Variants in MUC4 observed in about 807,000 individuals in gnomAD.
MUC4 encodes the protein mucin 4, cell surface associated.
In MUC4, 202 loss-of-function variants were observed where a neutral mutation model predicts 257.9. That is an observed-to-expected ratio of 0.78 (90% CI 0.70 to 0.88). The LOEUF is 0.88. MUC4 is among the 40% of genes least tolerant of loss of function. The probability of loss-of-function intolerance (pLI) is 0.00; values close to 1 mark genes in which losing one functional copy is unlikely to be tolerated. For synonymous variants in MUC4, 2,351 were observed against 2,757.1 expected (o/e 0.85, Z 4.62); for missense variants, 5,976 against 6,513.7 (o/e 0.92, Z 2.84).
chr3:195,750,419 G>A (rs3107762), intron 23 of MUC4: 2 of 175,750 alleles, frequency 1.1e-5, no homozygotes, highest in Admixed American at 1.3e-4. Context: ...GGAAGGTGCT[G>A]GGGGGTGTTG....
In MUC4 at chr3:195,755,134, A is replaced by T. The variant is rs977971680; in HGVS notation, c.15169-762T>A. Among the ~76,000 whole-genome samples the T allele has an allele frequency of 6.6e-6, 1 of 151,698 alleles. No homozygotes were observed. Among genetic ancestry groups the T allele is most frequent in the African/African-American group, 2.4e-5 (1 of 41,258 alleles). ...CAGGTTCAAGCCATCCTCCCACCTC[A>T]GCCTCCCGAGGAGCTGGGGCTACAG... On this transcript the variant is annotated intron_variant, in intron 18 of 24. Coordinates refer to ENST00000463781, the MANE Select transcript of MUC4 (RefSeq NM_018406.7). This position sits in a 1 kb window ranked among gnomAD's most constrained non-coding sequence, Gnocchi z 5.0.
At position 195,755,687 on chromosome 3, in the gene MUC4, T is replaced by C. The variant is rs1717520482; in HGVS notation, c.15169-1315A>G. 1.3e-5 allele frequency among the ~76,000 whole-genome samples: 2 copies of C among 152,178 alleles called. No individual in the cohort carries two copies. The highest frequency in any genetic ancestry group is 2.4e-5 in the African/African-American group (1 of 41,434). On this transcript the variant is annotated intron_variant, in intron 18 of 24. Coordinates refer to ENST00000463781, the MANE Select transcript of MUC4 (RefSeq NM_018406.7). The surrounding 1 kb of genome is among the most constrained non-coding windows in gnomAD (Gnocchi z 5.0). ...TCCCTAAAATGGAATCCTCTAACAC[T>C]TGCTACTCCCAAGAGTGGATATTTG...
intron 2 of MUC4, 101 bp downstream of exon 2, chr3:195,778,689 A>T (rs1725621440): frequency 1.4e-6 from 2 of 1,385,176 alleles, no homozygotes; most frequent in South Asian, 1.4e-5. Context: ...ACACGGCCCC[A>T]CCAGGTAATG....
chr3:195,757,111 G>A lies in MUC4; in HGVS notation c.15168+36C>T, dbSNP rs749415350. ...TTCCACTCCCATTTCCTCTCCCCTC[G>A]GCACAGAAACTCCTCCCCCACCTCC... On this transcript the variant is annotated intron_variant, in intron 18 of 24. Coordinates refer to ENST00000463781, the MANE Select transcript of MUC4 (RefSeq NM_018406.7). This position sits in a 1 kb window ranked among gnomAD's most constrained non-coding sequence, Gnocchi z 4.8. The A allele has an allele frequency of 9.6e-6, 15 of 1,566,774 alleles. No homozygotes were observed. In the East Asian group the frequency reaches 1.8e-4, roughly 19 times the overall value.
In MUC4 at chr3:195,811,897, C is replaced by G. The variant is rs112400541; in HGVS notation, c.-80G>C. 5 of 1,416,600 alleles carry G rather than the reference C, an allele frequency of 3.5e-6. No individual in the cohort carries two copies. In the South Asian group the frequency reaches 3.7e-5, roughly 10 times the overall value. 87.8% of individuals were successfully genotyped at this position (1,416,600 alleles called of 1,614,324 possible). ...GCAGTGTGAGGAGCAGACGTGAGCCCGTCCCCTCAGGCGGCTGGCCCGAAC... is the reference window on the plus strand; with the variant it reads ...GCAGTGTGAGGAGCAGACGTGAGCCGGTCCCCTCAGGCGGCTGGCCCGAAC... On this transcript the variant is annotated 5_prime_UTR_variant, in exon 1 of 25. Coordinates refer to ENST00000463781, the MANE Select transcript of MUC4 (RefSeq NM_018406.7).
chr3:195,788,027 G>T lies in MUC4; in HGVS notation c.3553C>A (p.Leu1185Ile). The change falls in exon 2 of 25, where the codon CTT (leucine) becomes ATT (isoleucine). Residue 1185 changes from leucine (L) to isoleucine (I), a missense_variant. Around this residue, in one of 44 missense-constraint regions of MUC4, gnomAD observed 90 missense variants for 106.2 expected, o/e 0.85. Coordinates refer to ENST00000463781, the MANE Select transcript of MUC4 (RefSeq NM_018406.7). ...SSVSTGDTTP[L>I]PVTSPSSAST... is the part of the protein sequence containing the mutation. ...GCTGAGGAAGGGCTAGTGACAGGAAGAGGCGTGGTGTCACCTGTGGATACT... is the reference window on the plus strand; with the variant it reads ...GCTGAGGAAGGGCTAGTGACAGGAATAGGCGTGGTGTCACCTGTGGATACT... 6.9e-7 allele frequency: 1 copy of T among 1,450,032 alleles called. No homozygotes were observed. 89.8% of individuals were successfully genotyped at this position (1,450,032 alleles called of 1,614,324 possible).
chr3:195,786,690 G>C lies in MUC4; in HGVS notation c.4890C>G (p.Thr1630=). 3 of 1,539,202 alleles carry C rather than the reference G, an allele frequency of 1.9e-6. No homozygotes were observed. The highest frequency in any genetic ancestry group is 1.8e-6 in the Non-Finnish European group (2 of 1,139,358). ...AAGCATTGGTGACAGGAAGAGGGGT[G>C]GTGTCACCTGTGGATGCTGAGGAAG... The part of the protein sequence containing the change: ...TDTSSASTGD[T]TPLPVTNASS... The change falls in exon 2 of 25, where the codon ACC becomes ACG. Residue 1630 remains threonine (T), a synonymous_variant. Transcript: ENST00000463781.
chr3:195,759,107 C>T lies in MUC4; in HGVS notation c.14986+17G>A. The T allele has an allele frequency of 6.2e-7, 1 of 1,613,390 alleles. No individual in the cohort carries two copies. Among genetic ancestry groups the T allele is most frequent in the Non-Finnish European group, 8.5e-7 (1 of 1,179,704 alleles). On this transcript the variant is annotated intron_variant, in intron 17 of 24. Coordinates refer to ENST00000463781, the MANE Select transcript of MUC4 (RefSeq NM_018406.7). ...TACCCACCTCCCCACTCTCCCCAGC[C>T]AGCCAAATAGTCCTACCAAAGAGCT...
At chr3:195,794,672 C>T (rs1734351924) in intron 1 of MUC4, among the ~76,000 whole-genome samples, 1 of 152,002 alleles carries the variant, frequency 6.6e-6, no homozygotes. Flanking sequence ...TTTTTTTCAA[C>T]CTCAGTGCTC....
chr3:195,810,300 A>C lies in MUC4; in HGVS notation c.82+1436T>G, dbSNP rs1182673930. On this transcript the variant is annotated intron_variant, in intron 1 of 24. Transcript: ENST00000463781. The surrounding 1 kb of genome is among the most constrained non-coding windows in gnomAD (Gnocchi z 4.2). ...AGCTCCTCAAATATGCGCCCAAGAA[A>C]TATTTTCCCTCGGCGACTGTTCTTA... 1 of 152,186 alleles carries C rather than the reference A, an allele frequency of 6.6e-6. No homozygotes were observed. The highest frequency in any genetic ancestry group is 1.5e-5 in the Non-Finnish European group (1 of 68,062). The allele number at this position is 152,186 out of a possible 1,614,324, so 9.4% of individuals were successfully genotyped here. A position where few individuals can be genotyped will look rare whatever the true frequency, so the allele number is the denominator to read the frequency against.
Position 195,763,582 on chromosome 3 carries a change from C to A in MUC4, c.14104G>T (p.Gly4702Trp). The change falls in exon 12 of 25, where the codon GGG becomes TGG. Residue 4702 changes from glycine to tryptophan, a missense_variant. Around this residue, in one of 44 missense-constraint regions of MUC4, gnomAD observed 996 missense variants for 1,137.3 expected, o/e 0.88. Coordinates refer to ENST00000463781, the MANE Select transcript of MUC4 (RefSeq NM_018406.7). ...TLDGVSYTFN[G>W]LGDFLLVGAQ... Reference sequence around the variant, plus strand: ...CCGACCAGCAGGAAGTCCCCCAGCCCATTGAAGGTGTAACTGACACCATCC... The same window carrying A: ...CCGACCAGCAGGAAGTCCCCCAGCCAATTGAAGGTGTAACTGACACCATCC... 1.3e-6 allele frequency: 2 copies of A among 1,595,058 alleles called. No homozygotes were observed. The highest frequency in any genetic ancestry group is 2.3e-5 in the East Asian group (1 of 43,750).
chr3:195,781,667 C>A lies in MUC4; in HGVS notation c.9913G>T (p.Val3305Leu), dbSNP rs570344326. 4,104 of 1,082,978 alleles carry A rather than the reference C, an allele frequency of 3.8e-3. 760 individuals carry two copies. In the African/African-American group the frequency reaches 0.097, roughly 26 times the overall value. The allele number at this position is 1,082,978 out of a possible 1,614,324, so 67.1% of individuals were successfully genotyped here. Residue 3305 changes from valine (V) to leucine (L), a missense_variant, in exon 2 of 25, where the codon GTA becomes TTA. Around this residue, in one of 44 missense-constraint regions of MUC4, gnomAD observed 51 missense variants for 66.9 expected, o/e 0.76. Transcript: ENST00000463781. ...AGAGGAGTGGCGTGACCTGTGGATA[C>A]TGAGGAAGTCTCGGTGACAAGAAGA... ...TPLLVTETSS[V>L]STGHATPLLV...
chr3:195,786,264 A>G lies in MUC4; in HGVS notation c.5316T>C (p.Ala1772=). 1.4e-6 allele frequency: 2 copies of G among 1,479,584 alleles called. No individual in the cohort carries two copies. The highest frequency in any genetic ancestry group is 1.2e-5 in the South Asian group (1 of 80,728). The allele number at this position is 1,479,584 out of a possible 1,614,324, so 91.7% of individuals were successfully genotyped here. A position where few individuals can be genotyped will look rare whatever the true frequency, so the allele number is the denominator to read the frequency against. The part of the protein sequence containing the change: ...PVTDTSSVST[A]HATPLPVTGL... ...CGGTGACAGGAAGTGGGGTGGCGTG[A>G]GCTGTGGATACTGAGGAAGTGTCGG... Residue 1772 remains alanine (A), a synonymous_variant, in exon 2 of 25, where the codon GCT becomes GCC. Coordinates refer to ENST00000463781, the MANE Select transcript of MUC4 (RefSeq NM_018406.7).
chr3:195,753,863 T>G, intron 19 of MUC4: 2 of 271,566 alleles, frequency 7.4e-6, no homozygotes, highest in East Asian at 6.5e-5. Flanking sequence ...GCTTGCCCGG[T>G]TCTCTGGCGG....
chr3:195,788,680 G>A lies in MUC4; in HGVS notation c.2900C>T (p.Thr967Ile). Reference protein sequence around the residue: ...LSPSGSGKTFTTALISNATPL... With the variant: ...LSPSGSGKTFITALISNATPL... ...GGTGGCGTTGCTGATGAGGGCCGTGGTGAAGGTTTTACCAGACCCTGAAGG... is the reference window on the plus strand; with the variant it reads ...GGTGGCGTTGCTGATGAGGGCCGTGATGAAGGTTTTACCAGACCCTGAAGG... The change falls in exon 2 of 25, where the codon ACC becomes ATC. Residue 967 changes from threonine (T) to isoleucine (I), a missense_variant. Physicochemically the swap from Thr to Ile is moderately conservative, Grantham distance 89. This residue lies in a region of MUC4 where 1,583 missense variants were observed against 1,257.4 expected (regional missense o/e 1.26). Coordinates refer to ENST00000463781, the MANE Select transcript of MUC4 (RefSeq NM_018406.7). 3 of 1,613,226 alleles carry A rather than the reference G, an allele frequency of 1.9e-6. No individual in the cohort carries two copies. In the South Asian group the frequency reaches 3.3e-5, roughly 18 times the overall value.
Position 195,811,819 on chromosome 3 carries a change from G to T in MUC4, c.-2C>A. 6.2e-7 allele frequency: 1 copy of T among 1,613,536 alleles called. No homozygotes were observed. On this transcript the variant is annotated 5_prime_UTR_variant, in exon 1 of 25. Coordinates refer to ENST00000463781, the MANE Select transcript of MUC4 (RefSeq NM_018406.7). ...CCTCCTCCAGCGTGCCCCCTTCATG[G>T]CTGCGGCAAAAGTCCCCCTGGCTCC...
intron 18 of MUC4, among the ~76,000 whole-genome samples, chr3:195,754,982 G>GTATGTATCCATGTGTA (rs1179896989): frequency 6.6e-6 from 1 of 152,188 alleles, no homozygotes; most frequent in Non-Finnish European, 1.5e-5. Flanking sequence ...ATCCATGTGT[G>GTATGTATCCATGTGTA]TATGTATCCA....
At position 195,755,849 on chromosome 3, in the gene MUC4, A is replaced by ATG. The variant is rs763167346; in HGVS notation, c.15168+1296_15168+1297dup. Among the ~76,000 whole-genome samples the ATG allele has an allele frequency of 6.6e-6, 1 of 151,728 alleles. No homozygotes were observed. Among genetic ancestry groups the ATG allele is most frequent in the East Asian group, 1.9e-4 (1 of 5,172 alleles). ...CATTCTCTGCTCATGCTTCAGAAGG[A>ATG]TGTGTGTGTGTGTCTGTGTGTGCGT... is the stretch of plus-strand genomic sequence containing the variant. On this transcript the variant is annotated intron_variant, in intron 18 of 24. Transcript: ENST00000463781. This position sits in a 1 kb window ranked among gnomAD's most constrained non-coding sequence, Gnocchi z 5.0.
intron 1 of MUC4, among the ~76,000 whole-genome samples, chr3:195,803,442 ACT>A (rs901543614): frequency 1.3e-4 from 20 of 152,298 alleles, no homozygotes; most frequent in Admixed American, 4.6e-4. Context: ...TATAATATAA[ACT>A]CTCTGCAAGC....
Sources: gnomAD v4.1 joint callset for allele counts (sites outside exome capture counted in the v4.1 genomes callset) on GRCh38, gnomAD v4.1.1 for gene constraint, gnomAD v4.1.1 regional missense constraint, Gnocchi (gnomAD v3.1) non-coding constraint, MANE v1.5 for transcripts, NCBI Gene and HGNC (gene_info 2026-07-23, HGNC 2026-07-21) for gene names.